Variants in GNB4 observed in about 807,000 individuals in gnomAD.
GNB4 encodes G protein subunit beta 4.
GNB4 carries 28 observed loss-of-function variants against 45.2 expected under a neutral mutation model. The observed-to-expected ratio is 0.62, with a 90% CI of 0.46 to 0.85. The LOEUF is 0.85. GNB4 is among the 40% of genes least tolerant of loss of function. The pLI is 0.00. For synonymous variants in GNB4, 132 were observed against 143.7 expected (o/e 0.92, Z 0.58); for missense variants, 321 against 425.4 (o/e 0.75, Z 2.16).
upstream of GNB4, among the ~76,000 whole-genome samples, chr3:179,453,174 G>A: frequency 6.6e-6 from 1 of 152,156 alleles, no homozygotes. Flanking sequence ...CGGAGTCACT[G>A]TGCAGTGATG....
chr3:179,488,187 G>A, the GNB4 span, among the ~76,000 whole-genome samples: 8 of 152,120 alleles, frequency 5.3e-5, no homozygotes, highest in South Asian at 2.1e-4. Flanking sequence ...TAAGACTACC[G>A]ACCATGGACT....
At chr3:179,433,598 A>AG (rs1258594738) in intron 1 of GNB4, among the ~76,000 whole-genome samples, 3 of 151,184 alleles carry the variant, frequency 2.0e-5, no homozygotes, top group Admixed American at 2.0e-4. Flanking sequence ...TTTTAAAAAG[A>AG]GACCCTGTCT....
the GNB4 span, among the ~76,000 whole-genome samples, chr3:179,478,868 A>T: frequency 6.6e-6 from 1 of 152,160 alleles, no homozygotes; most frequent in Non-Finnish European, 1.5e-5. Context: ...TAGAGTTCTC[A>T]TGATATCTGG....
chr3:179,444,631 G>A (rs1715674667), intron 1 of GNB4, among the ~76,000 whole-genome samples: 2 of 152,104 alleles, frequency 1.3e-5, no homozygotes, highest in African/African-American at 2.4e-5. Context: ...AGGATTGCTT[G>A]AGCCTGGGAA....
At chr3:179,446,158 T>C (rs868588394) in intron 1 of GNB4, among the ~76,000 whole-genome samples, 3 of 152,202 alleles carry the variant, frequency 2.0e-5, no homozygotes, top group Non-Finnish European at 2.9e-5. Flanking sequence ...TCCATAACTA[T>C]TGCTCCAAAG....
the GNB4 span, among the ~76,000 whole-genome samples, chr3:179,483,806 C>A: frequency 6.6e-6 from 1 of 152,000 alleles, no homozygotes; most frequent in Non-Finnish European, 1.5e-5. Context: ...AGAGTTTTTT[C>A]TTTTCTGATA....
chr3:179,436,027 T>C (rs1335806109), intron 1 of GNB4, among the ~76,000 whole-genome samples: 1 of 152,244 alleles, frequency 6.6e-6, no homozygotes, highest in African/African-American at 2.4e-5. Context: ...CAAGTATTTC[T>C]TAGCTACTAA....
At chr3:179,520,407 A>T in the GNB4 span, among the ~76,000 whole-genome samples, 1 of 151,224 alleles carries the variant, frequency 6.6e-6, no homozygotes, top group South Asian at 2.1e-4. Context: ...TGGTTAGTGC[A>T]GTCAGAATTC....
the GNB4 span, among the ~76,000 whole-genome samples, chr3:179,521,112 A>C: frequency 6.6e-6 from 1 of 152,122 alleles, no homozygotes; most frequent in Non-Finnish European, 1.5e-5. Context: ...AAGTCAGAAA[A>C]CTAAAATACC....
chr3:179,462,174 A>ATGTGTGTG, the GNB4 span, among the ~76,000 whole-genome samples: 2 of 150,376 alleles, frequency 1.3e-5, no homozygotes, highest in Admixed American at 6.6e-5. Context: ...GTGTGTGCAC[A>ATGTGTGTG]TGTGTGTGTG....
At chr3:179,481,050 A>C in the GNB4 span, among the ~76,000 whole-genome samples, 1 of 151,636 alleles carries the variant, frequency 6.6e-6, no homozygotes, top group East Asian at 1.9e-4. Flanking sequence ...ACGGGGTTTC[A>C]CCGTGTTAGC....
the GNB4 span, among the ~76,000 whole-genome samples, chr3:179,520,873 A>C: frequency 1.3e-5 from 2 of 152,130 alleles, no homozygotes; most frequent in Non-Finnish European, 2.9e-5. Context: ...TAATCACCAC[A>C]CACCAGCAAA....
chr3:179,456,883 G>A, the GNB4 span, among the ~76,000 whole-genome samples: 18 of 152,206 alleles, frequency 1.2e-4, no homozygotes, highest in East Asian at 3.9e-4. Flanking sequence ...TTATTGCTGC[G>A]CAGCATTCCA....
the GNB4 span, among the ~76,000 whole-genome samples, chr3:179,489,001 AAAAAAAAAAAAAAAAAAAATATATATAT>A: frequency 5.9e-5 from 2 of 33,696 alleles, no homozygotes; most frequent in East Asian, 1.8e-3. Context: ...AAAAAAAAAA[AAAAAAAAAAAAAAAAAAAATATATATAT>A]ATATATATAT....
upstream of GNB4, among the ~76,000 whole-genome samples, chr3:179,453,746 A>C (rs1331111946): frequency 2.0e-5 from 3 of 152,210 alleles, no homozygotes; most frequent in Admixed American, 2.0e-4. Context: ...CTAGAAGAAT[A>C]AAGTCCAAGT....
At chr3:179,444,914 G>A (rs1715680696) in intron 1 of GNB4, among the ~76,000 whole-genome samples, 3 of 151,874 alleles carry the variant, frequency 2.0e-5, no homozygotes, top group Admixed American at 2.0e-4. Flanking sequence ...CACTTACCAA[G>A]TAGTTAATGA....
At chr3:179,511,694 A>G in the GNB4 span, among the ~76,000 whole-genome samples, 1 of 152,160 alleles carries the variant, frequency 6.6e-6, no homozygotes, top group African/African-American at 2.4e-5. Context: ...AGCACTTTAT[A>G]AAGTGCTTAA....
At chr3:179,404,710 A>G (rs1714412486) in intron 9 of GNB4, among the ~76,000 whole-genome samples, 1 of 152,178 alleles carries the variant, frequency 6.6e-6, no homozygotes, top group African/African-American at 2.4e-5. Flanking sequence ...ATTACTCTGT[A>G]TGACTTGTTA....
At chr3:179,484,277 A>G in the GNB4 span, among the ~76,000 whole-genome samples, 46 of 152,378 alleles carry the variant, frequency 3.0e-4, no homozygotes, top group African/African-American at 1.1e-3. Flanking sequence ...ACCCTCTAGC[A>G]GGGCCAAATA....
Sources: gnomAD v4.1 joint callset for allele counts (sites outside exome capture counted in the v4.1 genomes callset) on GRCh38, gnomAD v4.1.1 for gene constraint, MANE v1.5 for transcripts, NCBI Gene and HGNC (gene_info 2026-07-23, HGNC 2026-07-21) for gene names.